The following LRIG2 variants were observed in gnomAD, a reference collection of about 807,000 sequenced individuals.
LRIG2 encodes the protein leucine rich repeats and immunoglobulin like domains 2, also known as leucine-rich repeats and immunoglobulin-like domains protein 2.
LRIG2 carries 93 observed loss-of-function variants against 107.8 expected under a neutral mutation model. The ratio of observed to expected loss-of-function variants is 0.86; its 90% CI spans 0.73 to 1.03. The LOEUF is 1.03. Among genes scored for constraint, LRIG2 ranks in the 50% least tolerant of loss-of-function variants. The pLI is 0.00. For synonymous variants in LRIG2, 471 were observed against 470.6 expected, an observed-to-expected ratio of 1.00 and a Z score of -0.01; for missense variants, 1,226 against 1,296.0, an observed-to-expected ratio of 0.95 and a Z score of 0.83.
intron 14 of LRIG2, among the ~76,000 whole-genome samples, chr1:113,113,211 C>CA (rs11454182): frequency 0.87 from 119,067 of 136,704 alleles, 52,518 homozygotes; most frequent in South Asian, 0.96. Context: ...AAATTTAATA[C>CA]AAAAAAAAAA....
rs762123347 is a variant in LRIG2 at position 113,110,474 on chromosome 1, G to A, written c.1710G>A (p.Val570=). The change falls in exon 13 of 18, where the codon GTG becomes GTA. Residue 570 remains valine, a synonymous_variant. Coordinates refer to ENST00000361127, the MANE Select transcript of LRIG2 (RefSeq NM_014813.3). The part of the protein sequence containing the change: ...EYTSILHLFN[V]NFTDEGKYQC... ...CTAGTATCTTACATCTTTTCAATGT[G>A]AATTTCACAGATGAAGGAAAATATC... 1.1e-5 allele frequency: 18 copies of A among 1,613,586 alleles called. 2 individuals are homozygous for A. The South Asian group carries it at 1.9e-4, about 17-fold the overall frequency.
At chr1:113,084,595 T>C (rs1393819023) in intron 1 of LRIG2, among the ~76,000 whole-genome samples, 1 of 147,248 alleles carries the variant, frequency 6.8e-6, no homozygotes, top group Non-Finnish European at 1.5e-5. Context: ...TATGTTTCAT[T>C]ATATTAAAAA....
At chr1:113,078,871 C>G (rs942415634) in intron 1 of LRIG2, among the ~76,000 whole-genome samples, 2 of 152,066 alleles carry the variant, frequency 1.3e-5, no homozygotes, top group African/African-American at 2.4e-5. Context: ...AACTCCCAAC[C>G]TCAGGTGATC....
chr1:113,087,283 A>C (rs1489437458), intron 1 of LRIG2, among the ~76,000 whole-genome samples: 1 of 152,240 alleles, frequency 6.6e-6, no homozygotes, highest in African/African-American at 2.4e-5. Flanking sequence ...TTTTAAAATC[A>C]TCCAAATCCA....
chr1:113,109,304 A>G (rs1289398700), intron 12 of LRIG2, among the ~76,000 whole-genome samples: 1 of 152,208 alleles, frequency 6.6e-6, no homozygotes, highest in African/African-American at 2.4e-5. Flanking sequence ...CAGTCCAATA[A>G]CATTATTAAT....
chr1:113,119,581 T>G lies in LRIG2; in HGVS notation c.2971+58T>G, dbSNP rs549130977. 6.6e-6 allele frequency: 10 copies of G among 1,509,856 alleles called. No homozygotes were observed. The South Asian group carries it at 1.1e-4, about 17-fold the overall frequency. 93.5% of individuals were successfully genotyped at this position (1,509,856 alleles called of 1,614,324 possible). ...TTACTTTCGTCTAATTGACTCTTCC[T>G]TCTATCATATAGGTAGTGCTCTCAT... On this transcript the variant is annotated intron_variant, in intron 17 of 17. Coordinates refer to ENST00000361127, the MANE Select transcript of LRIG2 (RefSeq NM_014813.3).
chr1:113,085,508 TTC>T (rs1653506843), intron 1 of LRIG2, among the ~76,000 whole-genome samples: 2 of 152,230 alleles, frequency 1.3e-5, no homozygotes, highest in Admixed American at 6.5e-5. Flanking sequence ...GGTCCCGCAC[TTC>T]TGACCTCAGG....
intron 6 of LRIG2, 127 bp downstream of exon 6, chr1:113,094,882 A>C (rs969262761): frequency 2.4e-6 from 2 of 837,580 alleles, no homozygotes; most frequent in Non-Finnish European, 3.5e-6. Context: ...CACTGATGTG[A>C]AGTAAGCGTA....
rs866312570 is a variant in LRIG2 at position 113,111,112 on chromosome 1, G to A, written c.1798+550G>A. ...TGCAGTGGCATGATCTCGGCTCACT[G>A]CAAATTCCGCCTCCCAGGTTCAAGT... On this transcript the variant is annotated intron_variant, in intron 13 of 17. Transcript: ENST00000361127. Among the ~76,000 whole-genome samples, 9 of 152,096 alleles carry A rather than the reference G, an allele frequency of 5.9e-5. No individual in the cohort carries two copies. In the South Asian group the frequency reaches 1.7e-3, roughly 28 times the overall value.
At chr1:113,109,316 AT>A (rs1435859263) in intron 12 of LRIG2, among the ~76,000 whole-genome samples, 2 of 152,256 alleles carry the variant, frequency 1.3e-5, no homozygotes, top group Non-Finnish European at 2.9e-5. Context: ...ATTATTAATT[AT>A]GAATCCATAT....
At chr1:113,122,837 G>A (rs985524057) in intron 17 of LRIG2, among the ~76,000 whole-genome samples, 8 of 152,196 alleles carry the variant, frequency 5.3e-5, no homozygotes, top group Non-Finnish European at 5.9e-5. Flanking sequence ...TTATTTGTGT[G>A]CATATTAATT....
At chr1:113,097,106 G>A (rs940362313) in intron 8 of LRIG2, among the ~76,000 whole-genome samples, 1 of 151,764 alleles carries the variant, frequency 6.6e-6, no homozygotes, top group African/African-American at 2.4e-5. Context: ...CAGTTTCCAC[G>A]CTAAAATTCT....
chr1:113,118,918 C>T (rs566193722), intron 16 of LRIG2, among the ~76,000 whole-genome samples: 48 of 152,276 alleles, frequency 3.2e-4, no homozygotes, highest in African/African-American at 9.9e-4. Context: ...CCCGCCTCGG[C>T]CTCCCAAAGT....
chr1:113,092,635 A>C (rs1653879005), intron 2 of LRIG2, among the ~76,000 whole-genome samples: 1 of 152,222 alleles, frequency 6.6e-6, no homozygotes, highest in Non-Finnish European at 1.5e-5. Context: ...AACAATATTT[A>C]ATGTGCAAAA....
rs758920460 is a variant in LRIG2, at chr1:113,119,450, A to C, written c.2898A>C (p.Arg966Ser). 4.3e-6 allele frequency: 7 copies of C among 1,614,200 alleles called. No homozygotes were observed. The highest frequency in any genetic ancestry group is 5.9e-6 in the Non-Finnish European group (7 of 1,180,034). Residue 966 changes from arginine to serine, a missense_variant, in exon 17 of 18, where the codon AGA (arginine) becomes AGC (serine). This residue lies in a region of LRIG2 where 642 missense variants were observed against 712.2 expected (regional missense o/e 0.90). Transcript: ENST00000361127. ...ALESLIPSAN[R>S]EPSAFPTNHE... ...AGAGCCTGATACCGTCAGCCAACAG[A>C]GAGCCATCTGCCTTTCCCACCAACC...
At chr1:113,116,458 G>T in intron 16 of LRIG2, 22 bp downstream of exon 16, 1 of 1,570,388 alleles carries the variant, frequency 6.4e-7, no homozygotes, top group Non-Finnish European at 8.7e-7. Context: ...GTTGTTTATG[G>T]TTACAATTTC....
At chr1:113,085,047 AACTTT>A (rs1653486420) in intron 1 of LRIG2, among the ~76,000 whole-genome samples, 2 of 152,250 alleles carry the variant, frequency 1.3e-5, no homozygotes, top group Non-Finnish European at 2.9e-5. Flanking sequence ...TAGTTAATTG[AACTTT>A]ACTTTGTTGT....
rs192598522 is a variant in LRIG2 at position 113,106,846 on chromosome 1, A to G, written c.1314-748A>G. Among the ~76,000 whole-genome samples, 35 of 152,280 alleles carry G rather than the reference A, an allele frequency of 2.3e-4. No individual in the cohort carries two copies. The East Asian group carries it at 4.8e-3, about 21-fold the overall frequency. ...TTAGTGTTGATGAAATAATTTGACA[A>G]TAATTATATGTTGTCTACAACAAAG... On this transcript the variant is annotated intron_variant, in intron 11 of 17. Transcript: ENST00000361127.
chr1:113,124,698 T>C lies in LRIG2; in HGVS notation c.*597T>C, dbSNP rs1289079652. 6.5e-6 allele frequency: 1 copy of C among 152,936 alleles called. No homozygotes were observed. Among genetic ancestry groups the C allele is most frequent in the East Asian group, 1.9e-4 (1 of 5,206 alleles). The allele number at this position is 152,936 out of a possible 1,614,324, so 9.5% of individuals were successfully genotyped here. On this transcript the variant is annotated 3_prime_UTR_variant, in exon 18 of 18. Transcript: ENST00000361127. ...TCCCTATTGCCCAGGGATGTCATTGTAAATATATGTGCATTTATAAATAAT... is the reference window on the plus strand; with the variant it reads ...TCCCTATTGCCCAGGGATGTCATTGCAAATATATGTGCATTTATAAATAAT...
Sources: allele counts gnomAD v4.1 joint callset (sites outside exome capture counted in the v4.1 genomes callset), GRCh38; gene constraint gnomAD v4.1.1; regional missense constraint gnomAD v4.1.1; transcripts MANE v1.5; gene names NCBI Gene and HGNC (gene_info 2026-07-23, HGNC 2026-07-21).